Variants in RBFOX1 observed in about 807,000 individuals in gnomAD.
RBFOX1 encodes RNA binding fox-1 homolog 1.
RBFOX1 carries 8 observed loss-of-function variants against 57.7 expected under a neutral mutation model. The ratio of observed to expected loss-of-function variants is 0.14; its 90% CI spans 0.08 to 0.25. RBFOX1 has a LOEUF of 0.25. Ranked by LOEUF, RBFOX1 falls within the 10% of genes least tolerant of loss-of-function variation. RBFOX1 has a pLI of 1.00. For missense variants in RBFOX1, 611 were observed against 548.5 expected (o/e 1.11, Z -1.14); for synonymous variants, 326 against 222.4 (o/e 1.47, Z -4.15).
chr16:5,455,943 A>G (rs933753459), intron 1 of RBFOX1, among the ~76,000 whole-genome samples: 1 of 152,166 alleles, frequency 6.6e-6, no homozygotes. Flanking sequence ...CAGTGTTTTT[A>G]TCAGGCATTG....
chr16:6,924,217 G>A (rs1321157899), intron 3 of RBFOX1, among the ~76,000 whole-genome samples: 1 of 151,166 alleles, frequency 6.6e-6, no homozygotes, highest in Non-Finnish European at 1.5e-5. Flanking sequence ...CCTGAAACTG[G>A]GTAATTTATA....
intron 1 of RBFOX1, among the ~76,000 whole-genome samples, chr16:6,219,379 T>G (rs1351136981): frequency 6.6e-6 from 1 of 152,042 alleles, no homozygotes; most frequent in Admixed American, 6.6e-5. Flanking sequence ...GTCCAGGAGG[T>G]CGAGGCTGCA....
intron 1 of RBFOX1, among the ~76,000 whole-genome samples, chr16:5,287,968 C>A (rs995675532): frequency 1.3e-5 from 2 of 152,200 alleles, no homozygotes; most frequent in Non-Finnish European, 2.9e-5. Context: ...GTTGAATGCA[C>A]TTTTGCCTGA....
intron 2 of RBFOX1, among the ~76,000 whole-genome samples, chr16:6,601,291 G>C (rs541271378): frequency 1.3e-5 from 2 of 152,250 alleles, no homozygotes; most frequent in South Asian, 4.1e-4. Flanking sequence ...TACGGCTCTA[G>C]TATTTAAGCT....
chr16:6,928,842 C>A (rs1197846141), intron 3 of RBFOX1, among the ~76,000 whole-genome samples: 1 of 152,104 alleles, frequency 6.6e-6, no homozygotes, highest in Admixed American at 6.5e-5. Context: ...AAAAAATCAG[C>A]CAGTTAAAAC....
At chr16:7,431,049 G>C (rs1045946782) in intron 4 of RBFOX1, among the ~76,000 whole-genome samples, 5 of 152,116 alleles carry the variant, frequency 3.3e-5, no homozygotes, top group African/African-American at 1.2e-4. Flanking sequence ...CTGGTCCTCT[G>C]GCTTTCTACT....
chr16:5,357,117 T>C (rs7196780), intron 1 of RBFOX1, among the ~76,000 whole-genome samples: 3,021 of 152,320 alleles, frequency 0.02, 53 homozygotes, highest in South Asian at 0.082. Flanking sequence ...TGTAATCTCA[T>C]GAGCATTTGT....
chr16:6,642,942 C>T (rs1274712570), intron 2 of RBFOX1, among the ~76,000 whole-genome samples: 1 of 152,130 alleles, frequency 6.6e-6, no homozygotes, highest in Non-Finnish European at 1.5e-5. Context: ...GCGTTGTTTG[C>T]TGTTTGTATG....
rs540013037 is a variant in RBFOX1 at position 5,738,330 on chromosome 16, GT to G, written c.319-128972del. Among the ~76,000 whole-genome samples, 234 of 151,898 alleles carry G rather than the reference GT, an allele frequency of 1.5e-3. 1 individual carries two copies. The highest frequency in any genetic ancestry group is 5.3e-3 in the African/African-American group (221 of 41,396). ...ATCAACAACGCTGTTTCTTTAAAAA[GT>G]AAATCTAAAGAAAGTATAGCCCAGG... On this transcript the variant is annotated intron_variant, in intron 3 of 19. Transcript: ENST00000641259.
chr16:5,474,608 C>T (rs1295872131), intron 2 of RBFOX1, among the ~76,000 whole-genome samples: 1 of 151,626 alleles, frequency 6.6e-6, no homozygotes, highest in Admixed American at 6.6e-5. Flanking sequence ...GAGCTGAGAT[C>T]GCGCCATTGC....
At chr16:5,740,084 C>G (rs2052721602) in intron 3 of RBFOX1, among the ~76,000 whole-genome samples, 2 of 152,258 alleles carry the variant, frequency 1.3e-5, no homozygotes, top group African/African-American at 4.8e-5. Context: ...CGCTTGTTGG[C>G]AGTGGAGCCT....
rs534805633 is a variant in RBFOX1, at chr16:5,408,856, A to G, written c.220-58360A>G. Among the ~76,000 whole-genome samples, 5 of 152,262 alleles carry G rather than the reference A, an allele frequency of 3.3e-5. No homozygotes were observed. The East Asian group carries it at 9.7e-4, about 29-fold the overall frequency. On this transcript the variant is annotated intron_variant, in intron 1 of 2. Transcript: ENST00000585867. ...CTTTTAAACAGTCAGAGTTGGTGAG[A>G]ACTCACAGTCACGAAGACTGTTCCA...
intron 1 of RBFOX1, among the ~76,000 whole-genome samples, chr16:6,122,377 C>G (rs1011937495): frequency 3.3e-5 from 5 of 151,818 alleles, no homozygotes; most frequent in Admixed American, 2.0e-4. Context: ...CACACACACA[C>G]ACACACACAC....
At chr16:7,206,455 T>G (rs2089990467) in intron 4 of RBFOX1, among the ~76,000 whole-genome samples, 1 of 150,616 alleles carries the variant, frequency 6.6e-6, no homozygotes, top group African/African-American at 2.4e-5. Context: ...TCCTTATTAA[T>G]ATATATAATA....
chr16:7,544,895 A>T (rs2083989315), intron 5 of RBFOX1, among the ~76,000 whole-genome samples: 1 of 152,230 alleles, frequency 6.6e-6, no homozygotes, highest in South Asian at 2.1e-4. Context: ...TCAGCACCAT[A>T]CTGCATTTTG....
At chr16:7,061,311 C>G (rs1480079375) in intron 4 of RBFOX1, among the ~76,000 whole-genome samples, 1 of 152,146 alleles carries the variant, frequency 6.6e-6, no homozygotes, top group Admixed American at 6.5e-5. Flanking sequence ...CCATACAGAG[C>G]TTGTATGTTC....
Position 6,254,545 on chromosome 16 carries a change from G to T in RBFOX1, c.-126-62450G>T, listed in dbSNP as rs531964007. Reference sequence around the variant, plus strand: ...CCAAGGTCATACCATCTTGGGCAAGGTGACTATGTATTCTTAAACTTGGTT... The same window carrying T: ...CCAAGGTCATACCATCTTGGGCAAGTTGACTATGTATTCTTAAACTTGGTT... On this transcript the variant is annotated intron_variant, in intron 1 of 15. Coordinates refer to ENST00000550418, the MANE Select transcript of RBFOX1 (RefSeq NM_018723.4). Among the ~76,000 whole-genome samples the T allele has an allele frequency of 2.6e-5, 4 of 152,216 alleles. No homozygotes were observed. The South Asian group carries it at 8.3e-4, about 32-fold the overall frequency.
At chr16:6,795,648 C>G (rs954617487) in intron 3 of RBFOX1, among the ~76,000 whole-genome samples, 1 of 151,940 alleles carries the variant, frequency 6.6e-6, no homozygotes, top group Non-Finnish European at 1.5e-5. Flanking sequence ...TGCCTGTAAT[C>G]CCAGCTACTT....
At chr16:6,017,475 A>G (rs1196028457), upstream of RBFOX1, among the ~76,000 whole-genome samples, 1 of 152,180 alleles carries the variant, frequency 6.6e-6, no homozygotes, top group Non-Finnish European at 1.5e-5. Context: ...ACCCAGATTT[A>G]TGGTTTCATT....
Sources: gnomAD v4.1 joint callset for allele counts (sites outside exome capture counted in the v4.1 genomes callset) on GRCh38, gnomAD v4.1.1 for gene constraint, MANE v1.5 for transcripts, NCBI Gene and HGNC (gene_info 2026-07-23, HGNC 2026-07-21) for gene names.